Variants in TAOK1 observed in about 807,000 individuals in gnomAD.
TAOK1 encodes TAO kinase 1, also known as serine/threonine-protein kinase TAO1.
TAOK1 carries 21 observed loss-of-function variants against 138.3 expected under a neutral mutation model. The observed-to-expected ratio is 0.15, with a 90% CI of 0.11 to 0.22. The LOEUF is 0.22. Among genes scored for constraint, TAOK1 ranks in the 10% least tolerant of loss-of-function variants. TAOK1 has a pLI of 1.00. For synonymous variants in TAOK1, 361 were observed against 398.4 expected (o/e 0.91, Z 1.12); for missense variants, 651 against 1,227.7 (o/e 0.53, Z 7.02).
intron 10 of TAOK1, among the ~76,000 whole-genome samples, chr17:29,494,042 G>T (rs1445597422): frequency 6.6e-6 from 1 of 151,928 alleles, no homozygotes; most frequent in South Asian, 2.1e-4. Context: ...TCAGCCGCCC[G>T]AGTAGCTGGG....
rs1485521037 is a variant in TAOK1, at chr17:29,463,193, A to G, written c.133-3952A>G. Among the ~76,000 whole-genome samples, 4 of 152,156 alleles carry G rather than the reference A, an allele frequency of 2.6e-5. No individual in the cohort carries two copies. In the East Asian group the frequency reaches 5.8e-4, roughly 22 times the overall value. ...ACATATATTATAAACATATAATACA[A>G]TGCCATAATTTTTGTTTTAGGTAAT... On this transcript the variant is annotated intron_variant, in intron 2 of 19. Coordinates refer to ENST00000261716, the MANE Select transcript of TAOK1 (RefSeq NM_020791.4).
At chr17:29,410,540 A>G (rs1905113745) in intron 1 of TAOK1, among the ~76,000 whole-genome samples, 1 of 151,216 alleles carries the variant, frequency 6.6e-6, no homozygotes, top group Admixed American at 6.6e-5. Flanking sequence ...GGCGCGAGCC[A>G]CCACAACTGG....
intron 3 of TAOK1, among the ~76,000 whole-genome samples, chr17:29,472,425 GTAT>G (rs1030768823): frequency 2.3e-4 from 35 of 151,968 alleles, no homozygotes; most frequent in African/African-American, 8.2e-4. Context: ...GCTGATTTTT[GTAT>G]TATTAGTAGA....
intron 3 of TAOK1, 56 bp from the exon 4 acceptor site, chr17:29,475,614 A>T (rs775666201): frequency 2.5e-6 from 3 of 1,180,848 alleles, no homozygotes; most frequent in Non-Finnish European, 3.7e-6. Flanking sequence ...TTATTCTTAT[A>T]TAACTTTCTG....
chr17:29,546,515 A>G lies in TAOK1; in HGVS notation c.*3493A>G, dbSNP rs1367542128. On this transcript the variant is annotated 3_prime_UTR_variant, in exon 20 of 20. Transcript: ENST00000261716. Reference sequence around the variant, plus strand: ...TTTTGTAGAATACATTATGTTGGACACTGGAATAATACTATTTATTTTCAC... The same window carrying G: ...TTTTGTAGAATACATTATGTTGGACGCTGGAATAATACTATTTATTTTCAC... The G allele has an allele frequency of 6.6e-6, 1 of 152,150 alleles. No individual in the cohort carries two copies. Among genetic ancestry groups the G allele is most frequent in the Non-Finnish European group, 1.5e-5 (1 of 67,978 alleles). 9.4% of individuals were successfully genotyped at this position (152,150 alleles called of 1,614,324 possible).
rs1240902666 is a variant in TAOK1, at chr17:29,548,403, G to A, written c.*5381G>A. The A allele has an allele frequency of 1.3e-5, 2 of 151,828 alleles. No individual in the cohort carries two copies. The highest frequency in any genetic ancestry group is 6.6e-5 in the Admixed American group (1 of 15,214). The allele number at this position is 151,828 out of a possible 1,614,324, so 9.4% of individuals were successfully genotyped here. ...ATCTAAACTTTTTGAAGTTTCAGAG[G>A]TGTATTTTTTTTTTGTATATATGTC... On this transcript the variant is annotated 3_prime_UTR_variant, in exon 20 of 20. Coordinates refer to ENST00000261716, the MANE Select transcript of TAOK1 (RefSeq NM_020791.4).
At chr17:29,398,114 C>T (rs1904720533) in intron 1 of TAOK1, among the ~76,000 whole-genome samples, 1 of 152,130 alleles carries the variant, frequency 6.6e-6, no homozygotes, top group South Asian at 2.1e-4. Flanking sequence ...GGCAGTCCTC[C>T]CTCCTCAGCA....
chr17:29,481,426 G>A (rs371285417), intron 7 of TAOK1, among the ~76,000 whole-genome samples: 29 of 151,848 alleles, frequency 1.9e-4, no homozygotes, highest in African/African-American at 5.5e-4. Context: ...TTCTGACCTC[G>A]TGATCTGTCC....
At chr17:29,528,492 G>A (rs2032048673) in intron 17 of TAOK1, among the ~76,000 whole-genome samples, 1 of 152,118 alleles carries the variant, frequency 6.6e-6, no homozygotes, top group Admixed American at 6.6e-5. Flanking sequence ...AGATTTCCAA[G>A]TCAGCCTCAC....
At chr17:29,511,468 C>G (rs1017399700) in intron 15 of TAOK1, 1 of 152,240 alleles carries the variant, frequency 6.6e-6, no homozygotes, top group Non-Finnish European at 1.5e-5. Context: ...GATCTCCTGA[C>G]CTTGTGATCC....
intron 8 of TAOK1, among the ~76,000 whole-genome samples, chr17:29,485,549 G>A (rs950500324): frequency 2.0e-5 from 3 of 152,142 alleles, no homozygotes; most frequent in African/African-American, 4.8e-5. Context: ...AGAGGTGGAC[G>A]ACCCCCTTTA....
chr17:29,536,235 G>A (rs575996684), intron 19 of TAOK1, among the ~76,000 whole-genome samples: 2 of 152,090 alleles, frequency 1.3e-5, no homozygotes, highest in South Asian at 2.1e-4. Context: ...GGAGGCAGAG[G>A]TTGCAGTGAG....
At chr17:29,529,315 T>C (rs1317976590) in intron 17 of TAOK1, among the ~76,000 whole-genome samples, 1 of 152,106 alleles carries the variant, frequency 6.6e-6, no homozygotes, top group Non-Finnish European at 1.5e-5. Flanking sequence ...CTAAGCCAGG[T>C]ACAGTGGCTC....
rs1186420739 is a variant in TAOK1 at position 29,462,023 on chromosome 17, C to CTGTT, written c.133-5121_133-5118dup. On this transcript the variant is annotated intron_variant, in intron 2 of 19. Coordinates refer to ENST00000261716, the MANE Select transcript of TAOK1 (RefSeq NM_020791.4). ...GGTATCAGAGAAACCCATGCACACA[C>CTGTT]TGTTCTGTTGTTACATTTCCTCTCA... Among the ~76,000 whole-genome samples, 4 of 152,154 alleles carry CTGTT rather than the reference C, an allele frequency of 2.6e-5. No homozygotes were observed. The East Asian group carries it at 7.7e-4, about 29-fold the overall frequency.
chr17:29,439,568 C>A (rs576971836), intron 1 of TAOK1, among the ~76,000 whole-genome samples: 1 of 152,134 alleles, frequency 6.6e-6, no homozygotes, highest in Middle Eastern at 3.4e-3. Flanking sequence ...CCATACATTG[C>A]ATATTGTTGT....
intron 1 of TAOK1, among the ~76,000 whole-genome samples, chr17:29,425,943 C>G (rs567723118): frequency 1.3e-5 from 2 of 152,132 alleles, no homozygotes; most frequent in African/African-American, 2.4e-5. Context: ...TGCAGTGGCG[C>G]GATCTCGGCT....
chr17:29,443,796 A>C (rs950760316), intron 1 of TAOK1, among the ~76,000 whole-genome samples: 3 of 152,200 alleles, frequency 2.0e-5, no homozygotes, highest in Non-Finnish European at 4.4e-5. Context: ...ACCTTTAAAA[A>C]ACTTGTTACA....
rs147013317 is a variant in TAOK1 at position 29,478,044 on chromosome 17, G to A, written c.353-207G>A. 1.7e-3 allele frequency among the ~76,000 whole-genome samples: 257 copies of A among 152,104 alleles called. 1 individual carries two copies. Among genetic ancestry groups the A allele is most frequent in the African/African-American group, 5.1e-3 (210 of 41,528 alleles). On this transcript the variant is annotated intron_variant, in intron 5 of 19. Coordinates refer to ENST00000261716, the MANE Select transcript of TAOK1 (RefSeq NM_020791.4). The stretch of plus-strand genomic sequence containing the variant: ...CATCACCAAATAATTATTTAATATC[G>A]TTAGCTAAGAGAAGAATTGGCTATG...
intron 1 of TAOK1, among the ~76,000 whole-genome samples, chr17:29,407,689 C>T (rs185801093): frequency 4.3e-4 from 66 of 152,150 alleles, no homozygotes; most frequent in Non-Finnish European, 9.0e-4. Context: ...TCAAGCAGTC[C>T]GCCTGCCTTG....
Sources: gnomAD v4.1 joint callset for allele counts (sites outside exome capture counted in the v4.1 genomes callset) on GRCh38, gnomAD v4.1.1 for gene constraint, MANE v1.5 for transcripts, NCBI Gene and HGNC (gene_info 2026-07-23, HGNC 2026-07-21) for gene names.